The following TEX9 variants were observed in gnomAD, a reference collection of about 807,000 sequenced individuals.
The protein encoded by TEX9 is testis expressed 9.
A neutral mutation model predicts 59.6 loss-of-function variants in TEX9; 74 were observed. That is an observed-to-expected ratio of 1.24 (90% CI 1.03 to 1.51). TEX9 has a LOEUF of 1.51. TEX9 is among the 40% of genes most tolerant of loss of function. The probability of loss-of-function intolerance (pLI) is 0.00; values close to 1 mark genes in which losing one functional copy is unlikely to be tolerated. For synonymous variants in TEX9, 186 were observed against 152.2 expected (o/e 1.22, Z -1.64); for missense variants, 522 against 447.8 (o/e 1.17, Z -1.49).
intron 4 of TEX9, among the ~76,000 whole-genome samples, chr15:56,384,245 A>G (rs2047865111): frequency 6.6e-6 from 1 of 152,208 alleles, no homozygotes; most frequent in African/African-American, 2.4e-5. Context: ...CTCATTTTTA[A>G]AACTTTAGAG....
chr15:56,332,236 A>G (rs1189880764), intron 1 of TEX9, among the ~76,000 whole-genome samples: 6 of 149,144 alleles, frequency 4.0e-5, no homozygotes, highest in East Asian at 3.9e-4. Flanking sequence ...TCCAACAATG[A>G]TAGACTGGAT....
At chr15:56,381,012 A>G (rs1409227993) in intron 3 of TEX9, among the ~76,000 whole-genome samples, 3 of 151,686 alleles carry the variant, frequency 2.0e-5, no homozygotes, top group African/African-American at 7.3e-5. Context: ...TAAACTTTCT[A>G]CCTCTCTCTT....
chr15:56,427,939 A>ATAAG (rs1328445645), intron 11 of TEX9, among the ~76,000 whole-genome samples, 200 bp downstream of exon 11: 8 of 152,266 alleles, frequency 5.3e-5, no homozygotes, highest in South Asian at 2.1e-4. Flanking sequence ...ATATTTTCAC[A>ATAAG]TAAGTAAGTT....
chr15:56,292,946 T>C (rs561327081), intron 1 of TEX9, among the ~76,000 whole-genome samples: 2 of 152,348 alleles, frequency 1.3e-5, no homozygotes, highest in South Asian at 2.1e-4. Context: ...GCTTCCCTCA[T>C]ATCCTGTTAG....
chr15:56,256,031 G>A (rs1275664786), intron 1 of TEX9, among the ~76,000 whole-genome samples: 1 of 151,726 alleles, frequency 6.6e-6, no homozygotes, highest in Non-Finnish European at 1.5e-5. Context: ...TAATTAATAA[G>A]CAAATTGTTT....
chr15:56,312,150 T>G (rs2141632467), intron 1 of TEX9, among the ~76,000 whole-genome samples: 1 of 149,060 alleles, frequency 6.7e-6, no homozygotes, highest in South Asian at 2.1e-4. Context: ...TTAGTTTAAT[T>G]ACATCCCATT....
chr15:56,324,133 T>G (rs1035755707), intron 1 of TEX9, among the ~76,000 whole-genome samples: 11 of 152,008 alleles, frequency 7.2e-5, no homozygotes, highest in Admixed American at 3.9e-4. Flanking sequence ...TTCAGTTGTC[T>G]CTTACACAAA....
intron 12 of TEX9, among the ~76,000 whole-genome samples, chr15:56,442,866 A>AC (rs1567150750): frequency 1.3e-5 from 2 of 152,024 alleles, no homozygotes; most frequent in Non-Finnish European, 2.9e-5. Flanking sequence ...ACAAACCAGC[A>AC]CATGTACCTC....
chr15:56,394,865 G>A, intron 9 of TEX9, 31 bp downstream of exon 9: 1 of 1,584,004 alleles, frequency 6.3e-7, no homozygotes, highest in Non-Finnish European at 8.6e-7. Flanking sequence ...CTAACTTAAT[G>A]CCACAGATAC....
rs182446569 is a variant in TEX9, at chr15:56,402,281, G to A, written c.828+7447G>A. ...GAAAATAGAGAAGAATCAAATAGACGCAATAAAAAATGATAAAGGGGATAT... is the reference window on the plus strand; with the variant it reads ...GAAAATAGAGAAGAATCAAATAGACACAATAAAAAATGATAAAGGGGATAT... On this transcript the variant is annotated intron_variant, in intron 9 of 12. Transcript: ENST00000352903. Among the ~76,000 whole-genome samples, 48 of 152,050 alleles carry A rather than the reference G, an allele frequency of 3.2e-4. 1 individual carries two copies. The East Asian group carries it at 5.2e-3, about 17-fold the overall frequency.
intron 1 of TEX9, among the ~76,000 whole-genome samples, chr15:56,271,855 T>C (rs541735624): frequency 2.0e-5 from 3 of 152,302 alleles, no homozygotes; most frequent in African/African-American, 7.2e-5. Flanking sequence ...AAATGTACAA[T>C]TTAGGCTGGG....
upstream of TEX9, among the ~76,000 whole-genome samples, chr15:56,360,998 G>A (rs1380048778): frequency 6.6e-6 from 1 of 152,108 alleles, no homozygotes; most frequent in Non-Finnish European, 1.5e-5. Context: ...ATGTAACCCT[G>A]TATGGCATGG....
chr15:56,336,712 G>C (rs2046263719), intron 1 of TEX9, among the ~76,000 whole-genome samples: 1 of 152,190 alleles, frequency 6.6e-6, no homozygotes, highest in Non-Finnish European at 1.5e-5. Context: ...TTGCAGTACA[G>C]TTGCAACAAC....
downstream of TEX9, chr15:56,446,766 C>T (rs2050907510): frequency 8.9e-7 from 1 of 1,117,388 alleles, no homozygotes; most frequent in East Asian, 2.5e-5. Flanking sequence ...TACAATATGA[C>T]AATTTTTTAA....
chr15:56,283,308 C>G (rs1457112505), intron 1 of TEX9, among the ~76,000 whole-genome samples: 1 of 152,022 alleles, frequency 6.6e-6, no homozygotes, highest in Admixed American at 6.6e-5. Flanking sequence ...GAATGATCCT[C>G]ACTAAAAATA....
chr15:56,284,222 A>G (rs1156721995), intron 1 of TEX9, among the ~76,000 whole-genome samples: 2 of 152,050 alleles, frequency 1.3e-5, no homozygotes, highest in African/African-American at 2.4e-5. Context: ...CATTCAAACT[A>G]CTGACCTCAA....
chr15:56,424,493 T>C (rs1159892440), intron 10 of TEX9, among the ~76,000 whole-genome samples: 1 of 152,140 alleles, frequency 6.6e-6, no homozygotes, highest in Non-Finnish European at 1.5e-5. Flanking sequence ...ACATTTAAAG[T>C]TTTTGGGAGG....
At chr15:56,293,977 T>C (rs1009951137) in intron 1 of TEX9, among the ~76,000 whole-genome samples, 2 of 152,240 alleles carry the variant, frequency 1.3e-5, no homozygotes, top group Non-Finnish European at 2.9e-5. Flanking sequence ...AGTATGAGGG[T>C]ATTTGGGGAA....
chr15:56,294,287 G>C (rs2045167460), intron 1 of TEX9, among the ~76,000 whole-genome samples: 1 of 152,202 alleles, frequency 6.6e-6, no homozygotes, highest in Non-Finnish European at 1.5e-5. Flanking sequence ...TCAGATTGTA[G>C]CTGATCCTGC....
Sources: gnomAD v4.1 joint callset for allele counts (sites outside exome capture counted in the v4.1 genomes callset) on GRCh38, gnomAD v4.1.1 for gene constraint, MANE v1.5 for transcripts, NCBI Gene and HGNC (gene_info 2026-07-23, HGNC 2026-07-21) for gene names.